Variants in EEIG2 observed in about 807,000 individuals in gnomAD.
EEIG2 encodes family with sequence similarity 102 member B.
At chr1:108,560,506 G>A in the EEIG2 span, 57 of 1,613,232 alleles carry the variant, frequency 3.5e-5, no homozygotes, top group South Asian at 5.6e-4. Flanking sequence ...TCGTCAATGG[G>A]GTCCTCTTCT....
At chr1:108,592,073 T>C in the EEIG2 span, among the ~76,000 whole-genome samples, 1 of 152,150 alleles carries the variant, frequency 6.6e-6, no homozygotes, top group Non-Finnish European at 1.5e-5. Context: ...GTTTGTATTT[T>C]AAAAAGAGTT....
chr1:108,581,224 AAG>A, the EEIG2 span, among the ~76,000 whole-genome samples: 205 of 152,322 alleles, frequency 1.3e-3, 1 homozygote, highest in Admixed American at 0.013. Context: ...CAGAAAAAAA[AAG>A]ATTCCTTTCA....
At chr1:108,575,951 A>G in the EEIG2 span, among the ~76,000 whole-genome samples, 1 of 152,172 alleles carries the variant, frequency 6.6e-6, no homozygotes, top group Non-Finnish European at 1.5e-5. Context: ...GAGATATGAT[A>G]TGTGAATGAT....
the EEIG2 span, among the ~76,000 whole-genome samples, chr1:108,611,886 T>C: frequency 1.3e-5 from 2 of 151,922 alleles, no homozygotes; most frequent in African/African-American, 4.8e-5. Context: ...ATTTTTACTT[T>C]AACAGTAATA....
the EEIG2 span, among the ~76,000 whole-genome samples, chr1:108,607,553 G>T: frequency 6.6e-6 from 1 of 152,214 alleles, no homozygotes; most frequent in South Asian, 2.1e-4. Context: ...GCTGGGCGTG[G>T]TGGCTCATGC....
the EEIG2 span, among the ~76,000 whole-genome samples, chr1:108,609,061 G>T: frequency 3.9e-5 from 6 of 152,186 alleles, no homozygotes; most frequent in African/African-American, 1.2e-4. Flanking sequence ...GGGGGTTAGG[G>T]TTTCAACATA....
the EEIG2 span, among the ~76,000 whole-genome samples, chr1:108,604,761 G>A: frequency 6.6e-6 from 1 of 151,076 alleles, no homozygotes; most frequent in Non-Finnish European, 1.5e-5. Flanking sequence ...GAGTACAGTG[G>A]TTCACACCTG....
the EEIG2 span, chr1:108,612,045 T>C: frequency 0.018 from 9,888 of 563,014 alleles, 776 homozygotes; most frequent in African/African-American, 0.17. Context: ...GAACAGGTAT[T>C]AAGAGTCAAA....
At chr1:108,596,234 C>T in the EEIG2 span, among the ~76,000 whole-genome samples, 4 of 151,562 alleles carry the variant, frequency 2.6e-5, no homozygotes, top group African/African-American at 7.3e-5. Flanking sequence ...CTTCTGTTCC[C>T]ATTTTTAGAT....
the EEIG2 span, among the ~76,000 whole-genome samples, chr1:108,613,404 TCCTGC>T: frequency 2.0e-5 from 3 of 152,204 alleles, no homozygotes; most frequent in Non-Finnish European, 4.4e-5. Flanking sequence ...GCATGTCTTC[TCCTGC>T]CTGGTCAGGG....
chr1:108,604,854 C>A, the EEIG2 span, among the ~76,000 whole-genome samples: 17 of 147,058 alleles, frequency 1.2e-4, no homozygotes, highest in African/African-American at 4.3e-4. Context: ...CATGGCAAGA[C>A]CCCACCTCTC....
At chr1:108,598,334 CAAAAAAAA>C in the EEIG2 span, among the ~76,000 whole-genome samples, 16,898 of 91,968 alleles carry the variant, frequency 0.18, 1,741 homozygotes, top group African/African-American at 0.34. Flanking sequence ...ACCCTGTATC[CAAAAAAAA>C]AAAAAAAAAA....
At chr1:108,562,484 C>A in the EEIG2 span, among the ~76,000 whole-genome samples, 1 of 152,160 alleles carries the variant, frequency 6.6e-6, no homozygotes, top group Admixed American at 6.5e-5. Flanking sequence ...AAATGACTCA[C>A]AATAAGGAGC....
the EEIG2 span, chr1:108,626,269 C>T: frequency 6.6e-6 from 1 of 152,092 alleles, no homozygotes; most frequent in African/African-American, 2.4e-5. Context: ...GGGAAAGGTC[C>T]ACTTCATACC....
At chr1:108,560,575 C>T in the EEIG2 span, 5 of 1,607,860 alleles carry the variant, frequency 3.1e-6, no homozygotes, top group Non-Finnish European at 4.2e-6. Context: ...GGTAACTCGC[C>T]TCCCGCGCCG....
the EEIG2 span, among the ~76,000 whole-genome samples, chr1:108,619,388 A>G: frequency 6.6e-6 from 1 of 152,234 alleles, no homozygotes; most frequent in Non-Finnish European, 1.5e-5. Context: ...AAATTCTAAC[A>G]CATTCATACA....
chr1:108,613,700 G>A, the EEIG2 span, among the ~76,000 whole-genome samples: 1,334 of 151,976 alleles, frequency 8.8e-3, 51 homozygotes, highest in Admixed American at 0.08. Flanking sequence ...GTACCGTCTC[G>A]CTCCTATCCA....
chr1:108,603,031 A>G, the EEIG2 span, among the ~76,000 whole-genome samples: 4 of 152,202 alleles, frequency 2.6e-5, no homozygotes, highest in Non-Finnish European at 5.9e-5. Flanking sequence ...TCTGATATTA[A>G]TGGACTAGCT....
the EEIG2 span, among the ~76,000 whole-genome samples, chr1:108,594,807 C>A: frequency 2.6e-5 from 4 of 152,104 alleles, no homozygotes; most frequent in Non-Finnish European, 5.9e-5. Context: ...AAAACCAGTT[C>A]TCTATCTCTA....
Sources: allele counts gnomAD v4.1 joint callset (sites outside exome capture counted in the v4.1 genomes callset), GRCh38; gene constraint gnomAD v4.1.1; transcripts MANE v1.5; gene names NCBI Gene and HGNC (gene_info 2026-07-23, HGNC 2026-07-21).